PDE4A: variants seen among roughly 807,000 people sequenced by gnomAD.
PDE4A encodes phosphodiesterase 4A.
In PDE4A, 21 loss-of-function variants were observed where a neutral mutation model predicts 73.9. The ratio of observed to expected loss-of-function variants is 0.28; its 90% CI spans 0.20 to 0.41. The LOEUF (loss-of-function observed/expected upper bound fraction) is 0.41. Among genes scored for constraint, PDE4A ranks in the 10% least tolerant of loss-of-function variants. PDE4A has a pLI of 1.00. For missense variants in PDE4A, 958 were observed against 1,211.4 expected (o/e 0.79, Z 3.10); for synonymous variants, 463 against 505.4 (o/e 0.92, Z 1.13).
chr19:10,446,441 C>T, intron 2 of PDE4A, 32 bp downstream of exon 2: 2 of 1,590,632 alleles, frequency 1.3e-6, no homozygotes, highest in Non-Finnish European at 8.6e-7. Context: ...TGCCAGTTCC[C>T]CCAGGCCTGG....
chr19:10,435,308 C>A (rs1165713762), intron 1 of PDE4A, among the ~76,000 whole-genome samples: 1 of 152,014 alleles, frequency 6.6e-6, no homozygotes, highest in Admixed American at 6.6e-5. Flanking sequence ...ATAAACCCAG[C>A]ATTTTGAGAG....
At chr19:10,459,250 A>G (rs958009379) in intron 8 of PDE4A, 150 bp from the exon 9 acceptor site, 2 of 1,356,474 alleles carry the variant, frequency 1.5e-6, no homozygotes, top group Non-Finnish European at 2.0e-6. Flanking sequence ...CAGTAGGACG[A>G]GGGCAGTACA....
chr19:10,430,113 G>A (rs2042767848), intron 1 of PDE4A, among the ~76,000 whole-genome samples: 1 of 152,022 alleles, frequency 6.6e-6, no homozygotes, highest in Non-Finnish European at 1.5e-5. Context: ...GAGCTCTGGA[G>A]GAATTTTGGG....
Position 10,467,998 on chromosome 19 carries a change from C to T in PDE4A, c.*377C>T, listed in dbSNP as rs1015071898. On this transcript the variant is annotated 3_prime_UTR_variant, in exon 15 of 15. Coordinates refer to ENST00000380702, the MANE Select transcript of PDE4A (RefSeq NM_001111307.2). ...TCCAAATCCCTCCCCTCACCTTCCC[C>T]CACTGCCCCCCAAGTTCCAGGCTCA... 2 of 159,694 alleles carry T rather than the reference C, an allele frequency of 1.3e-5. No individual in the cohort carries two copies. The highest frequency in any genetic ancestry group is 4.8e-5 in the African/African-American group (2 of 41,712). 9.9% of individuals were successfully genotyped at this position (159,694 alleles called of 1,614,324 possible).
intron 13 of PDE4A, 43 bp from the exon 14 acceptor site, chr19:10,463,750 G>A: frequency 6.2e-7 from 1 of 1,608,570 alleles, no homozygotes; most frequent in East Asian, 2.2e-5. Context: ...CTGGGACACA[G>A]GCATAGCCTC....
At chr19:10,426,378 C>A (rs376191494) in intron 1 of PDE4A, among the ~76,000 whole-genome samples, 5 of 152,028 alleles carry the variant, frequency 3.3e-5, no homozygotes, top group Admixed American at 2.0e-4. Flanking sequence ...AACACAAATT[C>A]GTAAACTTTC....
rs1443124921 is a variant in PDE4A at position 10,432,595 on chromosome 19, T to C, written c.320+11511T>C. On this transcript the variant is annotated intron_variant, in intron 1 of 14. Transcript: ENST00000380702. Reference sequence around the variant, plus strand: ...AGGTGGGTGGCCCGTGGCCAGTCAGTCCTCTCTTTTAATACTGAAGGGCAC... The same window carrying C: ...AGGTGGGTGGCCCGTGGCCAGTCAGCCCTCTCTTTTAATACTGAAGGGCAC... 4 of 1,505,432 alleles carry C rather than the reference T, an allele frequency of 2.7e-6. No homozygotes were observed. In the African/African-American group the frequency reaches 4.6e-5, roughly 17 times the overall value. 93.3% of individuals were successfully genotyped at this position (1,505,432 alleles called of 1,614,324 possible).
intron 4 of PDE4A, 147 bp downstream of exon 4, chr19:10,449,297 A>G: frequency 1.2e-6 from 1 of 804,150 alleles, no homozygotes; most frequent in African/African-American, 1.7e-5. Context: ...CCAGAGAGCC[A>G]TTGCAGGTCA....
Position 10,453,469 on chromosome 19 carries a change from C to A in PDE4A, c.784-1360C>A. On this transcript the variant is annotated intron_variant, in intron 6 of 14. Transcript: ENST00000380702. This position sits in a 1 kb window ranked among gnomAD's most constrained non-coding sequence, Gnocchi z 4.6. The stretch of plus-strand genomic sequence containing the variant: ...TCTCTGTGTGTGGCCCAGGGCTGGG[C>A]GTGGATGGCGGGCAGCTGGGGGTGT... 2.7e-6 allele frequency: 3 copies of A among 1,100,898 alleles called. No individual in the cohort carries two copies. The highest frequency in any genetic ancestry group is 3.7e-6 in the Non-Finnish European group (3 of 805,482). The allele number at this position is 1,100,898 out of a possible 1,614,324, so 68.2% of individuals were successfully genotyped here.
intron 6 of PDE4A, chr19:10,452,971 C>G (rs750302734): frequency 1.6e-5 from 20 of 1,239,034 alleles, no homozygotes; most frequent in Non-Finnish European, 2.0e-5. Context: ...CAGCCTCCTC[C>G]TGGGACCCTT....
In PDE4A at chr19:10,432,451, C is replaced by T. The variant is rs1176575697; in HGVS notation, c.320+11367C>T. 8.1e-6 allele frequency: 12 copies of T among 1,480,864 alleles called. No homozygotes were observed. In the Admixed American group the frequency reaches 2.9e-4, roughly 36 times the overall value. 91.7% of individuals were successfully genotyped at this position (1,480,864 alleles called of 1,614,324 possible). On this transcript the variant is annotated intron_variant, in intron 1 of 14. Coordinates refer to ENST00000380702, the MANE Select transcript of PDE4A (RefSeq NM_001111307.2). The stretch of plus-strand genomic sequence containing the variant: ...TTGGCTCCCATGCGCTCCGGTGCAG[C>T]GCCCCGGGCCCGGCCCCGGCCCCCT...
rs1197959673 is a variant in PDE4A, at chr19:10,453,030, T to G, written c.784-1799T>G. On this transcript the variant is annotated intron_variant, in intron 6 of 14. Transcript: ENST00000380702. The surrounding 1 kb of genome is among the most constrained non-coding windows in gnomAD (Gnocchi z 4.6). ...CGGACCCCCCACCGCCTCCACCCACTGCCGCGGGGGGGCCCGTTGGGGCCC... is the reference window on the plus strand; with the variant it reads ...CGGACCCCCCACCGCCTCCACCCACGGCCGCGGGGGGGCCCGTTGGGGCCC... 7.5e-7 allele frequency: 1 copy of G among 1,331,448 alleles called. No homozygotes were observed. The highest frequency in any genetic ancestry group is 9.6e-7 in the Non-Finnish European group (1 of 1,041,910). 82.5% of individuals were successfully genotyped at this position (1,331,448 alleles called of 1,614,324 possible). A position where few individuals can be genotyped will look rare whatever the true frequency, so the allele number is the denominator to read the frequency against.
Position 10,467,907 on chromosome 19 carries a change from A to G in PDE4A, c.*286A>G. 7.0e-6 allele frequency: 2 copies of G among 286,854 alleles called. No individual in the cohort carries two copies. The highest frequency in any genetic ancestry group is 1.3e-5 in the Non-Finnish European group (2 of 156,086). 17.8% of individuals were successfully genotyped at this position (286,854 alleles called of 1,614,324 possible). A position where few individuals can be genotyped will look rare whatever the true frequency, so the allele number is the denominator to read the frequency against. On this transcript the variant is annotated 3_prime_UTR_variant, in exon 15 of 15. Coordinates refer to ENST00000380702, the MANE Select transcript of PDE4A (RefSeq NM_001111307.2). Reference sequence around the variant, plus strand: ...AACATTTTTAGAAAAAGAACAAAAAAAGAAAAAAAAAAGAAAGAAACACAG... The same window carrying G: ...AACATTTTTAGAAAAAGAACAAAAAGAGAAAAAAAAAAGAAAGAAACACAG...
Position 10,420,582 on chromosome 19 carries a change from G to A in PDE4A, c.-183G>A, listed in dbSNP as rs926125148. On this transcript the variant is annotated 5_prime_UTR_variant, in exon 1 of 15. Transcript: ENST00000380702. This position sits in a 1 kb window ranked among gnomAD's most constrained non-coding sequence, Gnocchi z 6.0. The stretch of plus-strand genomic sequence containing the variant: ...GCAGAGCTCCAGGCGCCGAAAGGAA[G>A]CTGCAGAGCCCGGCCCGGGGGCGAT... The A allele has an allele frequency of 7.9e-6, 10 of 1,261,852 alleles. No individual in the cohort carries two copies. The highest frequency in any genetic ancestry group is 9.9e-6 in the Non-Finnish European group (10 of 1,006,336). The allele number at this position is 1,261,852 out of a possible 1,614,324, so 78.2% of individuals were successfully genotyped here. A position where few individuals can be genotyped will look rare whatever the true frequency, so the allele number is the denominator to read the frequency against.
rs1458767032 is a variant in PDE4A at position 10,459,715 on chromosome 19, G to A, written c.1321G>A (p.Val441Met). Reference protein sequence around the residue: ...AYHNSLHAADVLQSTHVLLAT... With the variant: ...AYHNSLHAADMLQSTHVLLAT... Reference sequence around the variant, plus strand: ...CCATAACAGCCTGCACGCAGCTGACGTGCTGCAGTCCACCCACGTACTGCT... The same window carrying A: ...CCATAACAGCCTGCACGCAGCTGACATGCTGCAGTCCACCCACGTACTGCT... Residue 441 changes from valine (V) to methionine (M), a missense_variant, in exon 10 of 15, where the codon GTG becomes ATG. This residue lies in a region of PDE4A where 570 missense variants were observed against 827.7 expected (regional missense o/e 0.69). Transcript: ENST00000380702. 3 of 1,614,120 alleles carry A rather than the reference G, an allele frequency of 1.9e-6. No individual in the cohort carries two copies. The highest frequency in any genetic ancestry group is 1.3e-5 in the African/African-American group (1 of 75,066).
intron 6 of PDE4A, 127 bp from the exon 7 acceptor site, chr19:10,454,702 C>T (rs2043145057): frequency 6.6e-7 from 1 of 1,520,004 alleles, no homozygotes; most frequent in Non-Finnish European, 8.9e-7. Flanking sequence ...CTTATAGGGG[C>T]TCTGTTGGCT....
chr19:10,420,416 C>G (rs2042632856), upstream of PDE4A: 1 of 945,244 alleles, frequency 1.1e-6, no homozygotes, highest in South Asian at 5.1e-5. This position sits in a 1 kb window ranked among gnomAD's most constrained non-coding sequence, Gnocchi z 6.0. Flanking sequence ...CTGGCCCGGA[C>G]GGAGGAGGAG....
At position 10,464,208 on chromosome 19, in the gene PDE4A, C is replaced by T. The variant is rs570578562; in HGVS notation, c.1926+233C>T. 8.4e-4 allele frequency among the ~76,000 whole-genome samples: 128 copies of T among 152,280 alleles called. 1 individual carries two copies. Among genetic ancestry groups the T allele is most frequent in the African/African-American group, 2.9e-3 (121 of 41,554 alleles). On this transcript the variant is annotated intron_variant, in intron 14 of 14. Coordinates refer to ENST00000380702, the MANE Select transcript of PDE4A (RefSeq NM_001111307.2). Reference sequence around the variant, plus strand: ...CGCCTCCCAGGTTCAAGTGATTCTCCTGCCTCAGCCTCCCAAGTATCTGGG... The same window carrying T: ...CGCCTCCCAGGTTCAAGTGATTCTCTTGCCTCAGCCTCCCAAGTATCTGGG...
intron 13 of PDE4A, 72 bp downstream of exon 13, chr19:10,462,071 C>G: frequency 1.6e-6 from 2 of 1,244,254 alleles, no homozygotes; most frequent in Non-Finnish European, 2.3e-6. Context: ...GGGTAGCTAA[C>G]TGCCCCTTCC....
Sources: allele counts gnomAD v4.1 joint callset (sites outside exome capture counted in the v4.1 genomes callset), GRCh38; gene constraint gnomAD v4.1.1; regional missense constraint gnomAD v4.1.1; non-coding constraint Gnocchi (gnomAD v3.1); transcripts MANE v1.5; gene names NCBI Gene and HGNC (gene_info 2026-07-23, HGNC 2026-07-21).